The following AGK variants were observed in gnomAD, a reference collection of about 807,000 sequenced individuals.
AGK encodes acylglycerol kinase, mitochondrial.
A neutral mutation model predicts 66.4 loss-of-function variants in AGK; 52 were observed. That is an observed-to-expected ratio of 0.78 (90% CI 0.63 to 0.99). The LOEUF (loss-of-function observed/expected upper bound fraction) is 0.99. Among genes scored for constraint, AGK ranks in the 50% least tolerant of loss-of-function variants. The probability of loss-of-function intolerance (pLI) is 0.00; values close to 1 mark genes in which losing one functional copy is unlikely to be tolerated. For missense variants in AGK, 451 were observed against 506.6 expected, an observed-to-expected ratio of 0.89 and a Z score of 1.05; for synonymous variants, 182 against 181.1, an observed-to-expected ratio of 1.00 and a Z score of -0.04.
chr7:141,600,444 C>G (rs1420321382), intron 4 of AGK, among the ~76,000 whole-genome samples: 1 of 152,156 alleles, frequency 6.6e-6, no homozygotes, highest in Non-Finnish European at 1.5e-5. Flanking sequence ...TCTTTGAAGG[C>G]TGTTTTTTCT....
chr7:141,644,947 T>C (rs1797376885), intron 13 of AGK, among the ~76,000 whole-genome samples: 1 of 152,116 alleles, frequency 6.6e-6, no homozygotes, highest in Non-Finnish European at 1.5e-5. Flanking sequence ...CATTTTCTCA[T>C]ATTTATACTA....
At chr7:141,610,596 C>G (rs1234057238) in intron 5 of AGK, among the ~76,000 whole-genome samples, 1 of 152,090 alleles carries the variant, frequency 6.6e-6, no homozygotes, top group Non-Finnish European at 1.5e-5. Flanking sequence ...ACAATAATAA[C>G]CTCCTTTTAT....
intron 2 of AGK, among the ~76,000 whole-genome samples, chr7:141,577,324 C>T (rs1223954063): frequency 6.6e-6 from 1 of 152,182 alleles, no homozygotes; most frequent in African/African-American, 2.4e-5. Context: ...TTCACAATCC[C>T]TTATCTTAAT....
At chr7:141,614,249 A>C in intron 7 of AGK, 71 bp downstream of exon 7, 1 of 1,211,162 alleles carries the variant, frequency 8.3e-7, no homozygotes, top group East Asian at 2.6e-5. Context: ...TCTTTCTTTT[A>C]CTTTTTTTTT....
At chr7:141,630,761 G>T (rs1490250547) in intron 9 of AGK, among the ~76,000 whole-genome samples, 4 of 152,110 alleles carry the variant, frequency 2.6e-5, no homozygotes, top group African/African-American at 9.7e-5. Context: ...ACAATTTTTA[G>T]ATTCAGTTCT....
chr7:141,621,315 C>A (rs1479301523), intron 8 of AGK, among the ~76,000 whole-genome samples: 4 of 152,146 alleles, frequency 2.6e-5, no homozygotes, highest in Non-Finnish European at 5.9e-5. Flanking sequence ...GCTAAGATAA[C>A]TATAACAAAT....
intron 9 of AGK, among the ~76,000 whole-genome samples, chr7:141,626,437 C>G (rs1338140046): frequency 6.6e-6 from 1 of 152,148 alleles, no homozygotes; most frequent in East Asian, 1.9e-4. Flanking sequence ...AAACAAAGCC[C>G]ACAGTCTCAA....
Position 141,555,335 on chromosome 7 carries a change from T to A in AGK, c.-14-118T>A. 3.3e-6 allele frequency: 2 copies of A among 597,748 alleles called. No individual in the cohort carries two copies. Among genetic ancestry groups the A allele is most frequent in the South Asian group, 2.4e-5 (1 of 41,202 alleles). The allele number at this position is 597,748 out of a possible 1,614,324, so 37.0% of individuals were successfully genotyped here. A position where few individuals can be genotyped will look rare whatever the true frequency, so the allele number is the denominator to read the frequency against. On this transcript the variant is annotated intron_variant, in intron 1 of 15. Coordinates refer to ENST00000649286, the MANE Select transcript of AGK (RefSeq NM_018238.4). The surrounding 1 kb of genome is among the most constrained non-coding windows in gnomAD (Gnocchi z 4.2). ...GAGAAGTGGTAAGGAGGAAGAGGAGTGAGTGGGAAAAAAAGGAGTGAGAGA... is the reference window on the plus strand; with the variant it reads ...GAGAAGTGGTAAGGAGGAAGAGGAGAGAGTGGGAAAAAAAGGAGTGAGAGA...
chr7:141,608,650 A>T, intron 5 of AGK, among the ~76,000 whole-genome samples: 1 of 152,362 alleles, frequency 6.6e-6, no homozygotes, highest in East Asian at 1.9e-4. Flanking sequence ...GAAATGTCCT[A>T]GGAATCTTCC....
intron 4 of AGK, 68 bp from the exon 5 acceptor site, chr7:141,601,137 G>A: frequency 2.5e-6 from 3 of 1,200,254 alleles, no homozygotes; most frequent in Non-Finnish European, 3.7e-6. Flanking sequence ...GAAGAAGATT[G>A]TAAGGCTTTT....
At chr7:141,596,497 G>T in intron 3 of AGK, 65 bp from the exon 4 acceptor site, 2 of 1,418,900 alleles carry the variant, frequency 1.4e-6, no homozygotes, top group Non-Finnish European at 2.0e-6. Flanking sequence ...TGGAATGAAA[G>T]AATACATGTG....
chr7:141,556,518 G>A (rs976549376), intron 2 of AGK, among the ~76,000 whole-genome samples: 1 of 150,736 alleles, frequency 6.6e-6, no homozygotes, highest in African/African-American at 2.4e-5. Context: ...TCTAGCCTGG[G>A]TGAGGGAGTG....
chr7:141,651,688 CCTCT>C (rs1797563526), intron 15 of AGK, 79 bp downstream of exon 15: 12 of 1,333,876 alleles, frequency 9.0e-6, no homozygotes, highest in South Asian at 7.1e-5. Flanking sequence ...TCCCATCCTT[CCTCT>C]CTGTTAGCTG....
chr7:141,555,716 A>G lies in AGK; in HGVS notation c.101+149A>G. ...AATGCTATTCAAAGCAAAAACAAAG[A>G]CTTCTTGTAACCAGAGCTGGAACTA... is the stretch of plus-strand genomic sequence containing the variant. On this transcript the variant is annotated intron_variant, in intron 2 of 15. Coordinates refer to ENST00000649286, the MANE Select transcript of AGK (RefSeq NM_018238.4). The surrounding 1 kb of genome is among the most constrained non-coding windows in gnomAD (Gnocchi z 4.2). 1.8e-6 allele frequency: 1 copy of G among 559,616 alleles called. No individual in the cohort carries two copies. The highest frequency in any genetic ancestry group is 3.1e-6 in the Non-Finnish European group (1 of 319,242). The allele number at this position is 559,616 out of a possible 1,614,324, so 34.7% of individuals were successfully genotyped here.
intron 13 of AGK, among the ~76,000 whole-genome samples, chr7:141,643,287 C>T (rs3779086): frequency 0.37 from 56,806 of 151,986 alleles, 11,512 homozygotes; most frequent in East Asian, 0.53. Context: ...AAATGGCACA[C>T]GTTTATACCT....
rs905894790 is a variant in AGK at position 141,652,749 on chromosome 7, A to C, written c.1132-38A>C. ...GACCTCCAACTCCAGTAGGCCACTGATGTGTTTGAGCTGTTCTGAATATTC... is the reference window on the plus strand; with the variant it reads ...GACCTCCAACTCCAGTAGGCCACTGCTGTGTTTGAGCTGTTCTGAATATTC... On this transcript the variant is annotated intron_variant, in intron 15 of 15. Coordinates refer to ENST00000649286, the MANE Select transcript of AGK (RefSeq NM_018238.4). 7.5e-6 allele frequency: 12 copies of C among 1,606,712 alleles called. No homozygotes were observed. The African/African-American group carries it at 1.5e-4, about 20-fold the overall frequency.
intron 2 of AGK, among the ~76,000 whole-genome samples, chr7:141,576,468 T>C (rs1795740988): frequency 6.6e-6 from 1 of 151,124 alleles, no homozygotes; most frequent in South Asian, 2.1e-4. Flanking sequence ...GAAGGGCAGT[T>C]ACAGAACAGG....
At chr7:141,649,908 T>A (rs144598685) in intron 14 of AGK, among the ~76,000 whole-genome samples, 11 of 152,334 alleles carry the variant, frequency 7.2e-5, no homozygotes, top group African/African-American at 2.4e-4. Context: ...TCCCAGGCCT[T>A]TTTCCCTTTT....
chr7:141,640,662 C>CT (rs1324966774), intron 11 of AGK, among the ~76,000 whole-genome samples: 1 of 152,036 alleles, frequency 6.6e-6, no homozygotes, highest in Non-Finnish European at 1.5e-5. Context: ...ATGTCAAGGG[C>CT]TGAGAGGCTG....
Sources: gnomAD v4.1 joint callset for allele counts (sites outside exome capture counted in the v4.1 genomes callset) on GRCh38, gnomAD v4.1.1 for gene constraint, Gnocchi (gnomAD v3.1) non-coding constraint, MANE v1.5 for transcripts, NCBI Gene and HGNC (gene_info 2026-07-23, HGNC 2026-07-21) for gene names.